MCF2L2: variants seen among roughly 807,000 people sequenced by gnomAD.
The protein encoded by MCF2L2 is MCF.2 cell line derived transforming sequence-like 2, also known as probable guanine nucleotide exchange factor MCF2L2.
Under a neutral mutation model 150.2 loss-of-function variants are expected in MCF2L2, and 102 were observed. The ratio of observed to expected loss-of-function variants is 0.68; its 90% confidence interval spans 0.58 to 0.80. The LOEUF is 0.80. MCF2L2 is among the 30% of genes least tolerant of loss of function. The pLI is 0.00. For missense variants in MCF2L2, 1,256 were observed against 1,372.8 expected (o/e 0.91, Z 1.34); for synonymous variants, 465 against 491.3 (o/e 0.95, Z 0.71).
chr3:183,194,952 T>A (rs1386344258), intron 26 of MCF2L2, among the ~76,000 whole-genome samples: 1 of 152,114 alleles, frequency 6.6e-6, no homozygotes, highest in Non-Finnish European at 1.5e-5. Flanking sequence ...CTAATTTTTG[T>A]ATTTTTTTTT....
At chr3:183,360,291 A>G (rs9853845) in intron 3 of MCF2L2, among the ~76,000 whole-genome samples, 31,578 of 152,092 alleles carry the variant, frequency 0.21, 6,678 homozygotes, top group African/African-American at 0.53. Flanking sequence ...ATTGGGGTAG[A>G]AGGGGGTGGC....
At chr3:183,321,035 C>A (rs1265326362) in intron 6 of MCF2L2, among the ~76,000 whole-genome samples, 1 of 152,218 alleles carries the variant, frequency 6.6e-6, no homozygotes, top group African/African-American at 2.4e-5. Flanking sequence ...TCAGAACACA[C>A]ACAACATATA....
chr3:183,211,452 A>G (rs538281540), intron 22 of MCF2L2, among the ~76,000 whole-genome samples: 3 of 152,278 alleles, frequency 2.0e-5, no homozygotes, highest in African/African-American at 7.2e-5. Context: ...GACCACACAT[A>G]TGACGGTATT....
intron 10 of MCF2L2, among the ~76,000 whole-genome samples, chr3:183,304,632 ATT>A (rs202057975): frequency 6.9e-6 from 1 of 144,360 alleles, no homozygotes; most frequent in Non-Finnish European, 1.5e-5. Context: ...TGCCTGGCTA[ATT>A]TTTTTTTTTT....
chr3:183,361,035 G>GA (rs1333082149), intron 3 of MCF2L2, among the ~76,000 whole-genome samples: 113 of 144,346 alleles, frequency 7.8e-4, no homozygotes, highest in African/African-American at 2.1e-3. Flanking sequence ...GAAAAGAAAA[G>GA]GAAGAAAGGA....
intron 7 of MCF2L2, among the ~76,000 whole-genome samples, chr3:183,314,760 G>A (rs1216786966): frequency 6.7e-6 from 1 of 148,926 alleles, no homozygotes. Context: ...TTTTCCAGCT[G>A]GAAAAGAAAT....
In MCF2L2 at chr3:183,266,453, G is replaced by A. The variant is rs552125757; in HGVS notation, c.1862+10419C>T. Among the ~76,000 whole-genome samples the A allele has an allele frequency of 1.9e-4, 29 of 152,280 alleles. 3 individuals are homozygous for A. The South Asian group carries it at 6.0e-3, about 32-fold the overall frequency. On this transcript the variant is annotated intron_variant, in intron 15 of 29. Transcript: ENST00000328913. ...TAGAATTCTCAAAAATGTGTATGCT[G>A]GCTTAAAATCTGCCATCAAGAATTC...
chr3:183,273,109 CTT>C lies in MCF2L2; in HGVS notation c.1862+3761_1862+3762del, dbSNP rs759813763. ...AACCTTTTAAAAAAGAAGGAAAAAA[CTT>C]TTTGGTGCTCCAGTGTAGGGCTATC... On this transcript the variant is annotated intron_variant, in intron 15 of 29. Coordinates refer to ENST00000328913, the MANE Select transcript of MCF2L2 (RefSeq NM_015078.4). 410 of 1,121,838 alleles carry C rather than the reference CTT, an allele frequency of 3.7e-4. 11 individuals are homozygous for C. The South Asian group carries it at 6.4e-3, about 18-fold the overall frequency. The allele number at this position is 1,121,838 out of a possible 1,614,324, so 69.5% of individuals were successfully genotyped here. A position where few individuals can be genotyped will look rare whatever the true frequency, so the allele number is the denominator to read the frequency against.
intron 22 of MCF2L2, among the ~76,000 whole-genome samples, chr3:183,213,719 C>T (rs1379178622): frequency 6.6e-6 from 1 of 152,116 alleles, no homozygotes; most frequent in African/African-American, 2.4e-5. Context: ...AGGGAATGAA[C>T]AAGAAATAGT....
intron 1 of MCF2L2, among the ~76,000 whole-genome samples, chr3:183,406,526 T>C (rs1312328874): frequency 6.6e-6 from 1 of 152,206 alleles, no homozygotes; most frequent in Non-Finnish European, 1.5e-5. Flanking sequence ...TTTGCTCTTG[T>C]TGTCCAGGCT....
At chr3:183,240,428 AG>A (rs780723996) in intron 15 of MCF2L2, among the ~76,000 whole-genome samples, 7 of 152,212 alleles carry the variant, frequency 4.6e-5, no homozygotes, top group Non-Finnish European at 7.3e-5. Context: ...CATGTTGGCC[AG>A]GCTGGTCTCG....
At chr3:183,306,538 G>A (rs1252498515) in intron 10 of MCF2L2, among the ~76,000 whole-genome samples, 1 of 152,216 alleles carries the variant, frequency 6.6e-6, no homozygotes, top group Non-Finnish European at 1.5e-5. Context: ...GCCTACTAGG[G>A]AAGAAAGTGG....
chr3:183,210,346 A>C (rs1048964949), intron 22 of MCF2L2, among the ~76,000 whole-genome samples: 1 of 152,230 alleles, frequency 6.6e-6, no homozygotes, highest in Admixed American at 6.5e-5. Flanking sequence ...AAAGCCATTT[A>C]AACTTGATGT....
intron 4 of MCF2L2, among the ~76,000 whole-genome samples, chr3:183,341,076 G>A (rs1347691203): frequency 1.3e-5 from 2 of 152,216 alleles, no homozygotes; most frequent in East Asian, 3.8e-4. Context: ...TGAGGGAGCA[G>A]GGAGGAAGAC....
At chr3:183,326,942 G>GA (rs779650883) in intron 5 of MCF2L2, among the ~76,000 whole-genome samples, 69 of 152,100 alleles carry the variant, frequency 4.5e-4, no homozygotes, top group Admixed American at 3.5e-3. Context: ...AAATGGTGCT[G>GA]AAACAACCGG....
chr3:183,201,593 T>C (rs1227442450), intron 25 of MCF2L2, among the ~76,000 whole-genome samples: 1 of 152,216 alleles, frequency 6.6e-6, no homozygotes, highest in Non-Finnish European at 1.5e-5. Context: ...GACTTTCTCT[T>C]TTCCTAATTC....
chr3:183,422,896 G>T (rs1255237768), intron 1 of MCF2L2, among the ~76,000 whole-genome samples: 1 of 152,152 alleles, frequency 6.6e-6, no homozygotes, highest in Non-Finnish European at 1.5e-5. Context: ...CTTCACACTG[G>T]CATTTCTGGA....
chr3:183,317,130 A>C (rs532156152), intron 7 of MCF2L2, among the ~76,000 whole-genome samples: 1 of 152,316 alleles, frequency 6.6e-6, no homozygotes, highest in Admixed American at 6.5e-5. Context: ...GTGTTCGTTA[A>C]GGTTGAGTTT....
At chr3:183,268,714 C>T (rs1726402080) in intron 15 of MCF2L2, among the ~76,000 whole-genome samples, 1 of 152,084 alleles carries the variant, frequency 6.6e-6, no homozygotes, top group South Asian at 2.1e-4. Flanking sequence ...ATAAAGACTT[C>T]GAGTTAAACG....
Sources: allele counts gnomAD v4.1 joint callset (sites outside exome capture counted in the v4.1 genomes callset), GRCh38; gene constraint gnomAD v4.1.1; transcripts MANE v1.5; gene names NCBI Gene and HGNC (gene_info 2026-07-23, HGNC 2026-07-21).